Variants in LRP4 observed in about 807,000 individuals in gnomAD.
LRP4 encodes low-density lipoprotein receptor-related protein 4.
Under a neutral mutation model 220.3 loss-of-function variants are expected in LRP4, and 95 were observed. That is an observed-to-expected ratio of 0.43 (90% CI 0.37 to 0.51). The LOEUF (loss-of-function observed/expected upper bound fraction) is 0.51. Among genes scored for constraint, LRP4 ranks in the 20% least tolerant of loss-of-function variants. LRP4 has a pLI of 0.00. For missense variants in LRP4, 1,925 were observed against 2,567.0 expected, an observed-to-expected ratio of 0.75 and a Z score of 5.40; for synonymous variants, 903 against 954.6, an observed-to-expected ratio of 0.95 and a Z score of 1.00.
chr11:46,882,772 C>T (rs12790110), intron 19 of LRP4, among the ~76,000 whole-genome samples: 2,097 of 151,754 alleles, frequency 0.014, 16 homozygotes, highest in Non-Finnish European at 0.021. Context: ...AGGAGGATTG[C>T]TTGAGCCCAG....
In LRP4 at chr11:46,881,058, C is replaced by CAAAAAAAAAA. The variant is rs60125188; in HGVS notation, c.2814+634_2814+643dup. Among the ~76,000 whole-genome samples, 21 of 56,110 alleles carry CAAAAAAAAAA rather than the reference C, an allele frequency of 3.7e-4. 1 individual carries two copies. The highest frequency in any genetic ancestry group is 1.4e-3 in the East Asian group (2 of 1,478). 36.8% of individuals were successfully genotyped at this position (56,110 alleles called of 152,430 possible). Reference sequence around the variant, plus strand: ...CAGCATGACCCTGCCTCTAAAAAACCAAAAAAAAAAAAAAAAAAAAAAAAA... The same window carrying CAAAAAAAAAA: ...CAGCATGACCCTGCCTCTAAAAAACCAAAAAAAAAAAAAAAAAAAAAAAAAAAAAAAAAAA... On this transcript the variant is annotated intron_variant, in intron 20 of 37. Transcript: ENST00000378623.
At chr11:46,895,439 G>T in intron 10 of LRP4, 148 bp from the exon 11 acceptor site, 1 of 1,060,582 alleles carries the variant, frequency 9.4e-7, no homozygotes, top group Non-Finnish European at 1.4e-6. Context: ...AGGGCGGCCG[G>T]GCGTGGTGGC....
chr11:46,858,712 A>G lies in LRP4; in HGVS notation c.*271T>C. ...CTACGCTGGTGAGGAATCACGAATA[A>G]GCAGTTTCAGGGGGCCCAGGATGGA... is the stretch of plus-strand genomic sequence containing the variant. On this transcript the variant is annotated 3_prime_UTR_variant, in exon 38 of 38. Coordinates refer to ENST00000378623, the MANE Select transcript of LRP4 (RefSeq NM_002334.4). 2.0e-6 allele frequency: 1 copy of G among 493,422 alleles called. No homozygotes were observed. The highest frequency in any genetic ancestry group is 4.0e-5 in the East Asian group (1 of 25,118). The allele number at this position is 493,422 out of a possible 1,614,324, so 30.6% of individuals were successfully genotyped here.
chr11:46,867,622 C>G (rs930389529), intron 34 of LRP4, among the ~76,000 whole-genome samples: 1 of 152,050 alleles, frequency 6.6e-6, no homozygotes, highest in South Asian at 2.1e-4. Context: ...CCACCACGCT[C>G]AGCTAATTTT....
rs1940423408 is a variant in LRP4, at chr11:46,857,959, C to A, written c.*1024G>T. On this transcript the variant is annotated 3_prime_UTR_variant, in exon 38 of 38. Coordinates refer to ENST00000378623, the MANE Select transcript of LRP4 (RefSeq NM_002334.4). ...GGCCCTGGGTTTCCCAAGTCTCCAA[C>A]CTGATCGTTCTTTCTGACCATTTAT... is the stretch of plus-strand genomic sequence containing the variant. 1 of 152,674 alleles carries A rather than the reference C, an allele frequency of 6.5e-6. No individual in the cohort carries two copies. Among genetic ancestry groups the A allele is most frequent in the Non-Finnish European group, 1.5e-5 (1 of 68,064 alleles). The allele number at this position is 152,674 out of a possible 1,614,324, so 9.5% of individuals were successfully genotyped here.
At chr11:46,893,901 ATTT>A (rs766275851) in intron 12 of LRP4, among the ~76,000 whole-genome samples, 2 of 104,128 alleles carry the variant, frequency 1.9e-5, no homozygotes. Context: ...CGCTTGAACT[ATTT>A]TTTTTTTTTT....
chr11:46,900,076 G>A, intron 3 of LRP4, 100 bp from the exon 4 acceptor site: 1 of 1,055,676 alleles, frequency 9.5e-7, no homozygotes, highest in Non-Finnish European at 1.5e-6. Flanking sequence ...CTCCAGTGCT[G>A]CCCTGAGGGC....
intron 1 of LRP4, among the ~76,000 whole-genome samples, chr11:46,907,064 G>A (rs541901769): frequency 6.6e-6 from 1 of 152,312 alleles, no homozygotes; most frequent in South Asian, 2.1e-4. Context: ...TGATCATAAA[G>A]GCAGCTTTTA....
At position 46,879,039 on chromosome 11, in the gene LRP4, C is replaced by T. The variant is rs1226807453; in HGVS notation, c.3005-1G>A. Reference sequence around the variant, plus strand: ...TTCTCCATAGCACATGGTGTAGACACTGGGTAGAGAGGAGGGGATGTTCAA... The same window carrying T: ...TTCTCCATAGCACATGGTGTAGACATTGGGTAGAGAGGAGGGGATGTTCAA... On this transcript the variant is annotated splice_acceptor_variant, in intron 21 of 37. Coordinates refer to ENST00000378623, the MANE Select transcript of LRP4 (RefSeq NM_002334.4). LOFTEE classifies it high-confidence loss of function. The T allele has an allele frequency of 6.2e-7, 1 of 1,614,140 alleles. No homozygotes were observed. Among genetic ancestry groups the T allele is most frequent in the Admixed American group, 1.7e-5 (1 of 60,024 alleles).
chr11:46,899,481 C>T lies in LRP4; in HGVS notation c.453G>A (p.Lys151=). 6.2e-7 allele frequency: 1 copy of T among 1,613,844 alleles called. No homozygotes were observed. Among genetic ancestry groups the T allele is most frequent in the Middle Eastern group, 1.6e-4 (1 of 6,062 alleles). Residue 151 remains lysine, a synonymous_variant, in exon 5 of 38, where the codon AAG becomes AAA. Coordinates refer to ENST00000378623, the MANE Select transcript of LRP4 (RefSeq NM_002334.4). The surrounding 1 kb of genome is among the most constrained non-coding windows in gnomAD (Gnocchi z 5.9). ...AGCTTCCGTCACTACAGCGGAACTC[C>T]TTGTCGGAGCACTTGCGCATGTCTG... ...EQCDMRKCSD[K]EFRCSDGSCI...
At chr11:46,864,224 G>A (rs1030794727) in intron 36 of LRP4, among the ~76,000 whole-genome samples, 2 of 152,194 alleles carry the variant, frequency 1.3e-5, no homozygotes, top group African/African-American at 4.8e-5. Context: ...AAGAAAATCC[G>A]AAGGGTTGTT....
chr11:46,914,542 GT>G (rs1941918116), intron 1 of LRP4, among the ~76,000 whole-genome samples: 1 of 152,218 alleles, frequency 6.6e-6, no homozygotes, highest in Non-Finnish European at 1.5e-5. Context: ...TCAGCACTGA[GT>G]CTTCCCTGGG....
In LRP4 at chr11:46,894,893, G is replaced by A. The variant is rs72897664; in HGVS notation, c.1310-74C>T. The stretch of plus-strand genomic sequence containing the variant: ...CCTGGTACCCATCAGCAGGTCTTCA[G>A]CTGACCGATGGAGCCACTTGCTCAC... On this transcript the variant is annotated intron_variant, in intron 11 of 37. Coordinates refer to ENST00000378623, the MANE Select transcript of LRP4 (RefSeq NM_002334.4). The A allele has an allele frequency of 8.0e-4, 1,051 of 1,310,504 alleles. 1 individual carries two copies. Among genetic ancestry groups the A allele is most frequent in the Non-Finnish European group, 9.5e-4 (869 of 911,828 alleles). The allele number at this position is 1,310,504 out of a possible 1,614,324, so 81.2% of individuals were successfully genotyped here.
rs144974139 is a variant in LRP4 at position 46,898,941 on chromosome 11, G to A, written c.639C>T (p.Asp213=). The change falls in exon 6 of 38, where the codon GAC becomes GAT. Residue 213 remains aspartate, a synonymous_variant. Transcript: ENST00000378623. Reference sequence around the variant, plus strand: ...CGTCTGACCAGTCTCCACAGTCATCGTCGCCATCGCAGTGGTAGATGTCGA... The same window carrying A: ...CGTCTGACCAGTCTCCACAGTCATCATCGCCATCGCAGTGGTAGATGTCGA... ...CILDIYHCDG[D]DDCGDWSDES... 2,613 of 1,613,822 alleles carry A rather than the reference G, an allele frequency of 1.6e-3. 4 individuals carry two copies. The highest frequency in any genetic ancestry group is 2.1e-3 in the Non-Finnish European group (2,431 of 1,179,980).
At chr11:46,898,372 GATGGGGTTTAACC>G (rs1941588172) in intron 7 of LRP4, among the ~76,000 whole-genome samples, 173 bp downstream of exon 7, 1 of 152,210 alleles carries the variant, frequency 6.6e-6, no homozygotes, top group Non-Finnish European at 1.5e-5. Flanking sequence ...TTTTAGTAGA[GATGGGGTTTAACC>G]ATGTTACCCA....
chr11:46,917,664 T>C (rs564674867), intron 1 of LRP4, among the ~76,000 whole-genome samples: 1 of 152,210 alleles, frequency 6.6e-6, no homozygotes, highest in East Asian at 1.9e-4. Context: ...CTCAGCCCCC[T>C]TTCCAACCAC....
At position 46,875,805 on chromosome 11, in the gene LRP4, T is replaced by G. The variant is rs1940998166; in HGVS notation, c.3698A>C (p.Glu1233Ala). ...SQLLWADAHT[E>A]RIEAADLNGA... is the part of the protein sequence containing the mutation. ...AAGCAGCAGGGACACGGCTCTCACCTCGGTGTGGGCATCGGCCCATAGCAG... is the reference window on the plus strand; with the variant it reads ...AAGCAGCAGGGACACGGCTCTCACCGCGGTGTGGGCATCGGCCCATAGCAG... Residue 1233 changes from glutamate (E) to alanine (A), a missense_variant and splice_region_variant, in exon 26 of 38, where the codon GAG (glutamate) becomes GCG (alanine). Glu to Ala is a moderately radical substitution (Grantham distance 107). This residue lies in a region of LRP4 where 1,244 missense variants were observed against 1,624.9 expected (regional missense o/e 0.77). Transcript: ENST00000378623. This position sits in a 1 kb window ranked among gnomAD's most constrained non-coding sequence, Gnocchi z 4.5. 5 of 1,614,018 alleles carry G rather than the reference T, an allele frequency of 3.1e-6. No individual in the cohort carries two copies. Among genetic ancestry groups the G allele is most frequent in the Middle Eastern group, 3.3e-4 (2 of 6,062 alleles).
intron 37 of LRP4, among the ~76,000 whole-genome samples, chr11:46,862,340 T>C (rs998268670): frequency 6.6e-6 from 1 of 152,086 alleles, no homozygotes. Context: ...GAAAAATATC[T>C]CATGGCAGGG....
chr11:46,866,114 T>C (rs200975806), intron 34 of LRP4, among the ~76,000 whole-genome samples: 1 of 146,536 alleles, frequency 6.8e-6, no homozygotes, highest in East Asian at 2.0e-4. Flanking sequence ...ATATTAAAAA[T>C]AAAGAGACCA....
Sources: allele counts gnomAD v4.1 joint callset (sites outside exome capture counted in the v4.1 genomes callset), GRCh38; gene constraint gnomAD v4.1.1; regional missense constraint gnomAD v4.1.1; non-coding constraint Gnocchi (gnomAD v3.1); transcripts MANE v1.5; gene names NCBI Gene and HGNC (gene_info 2026-07-23, HGNC 2026-07-21).